The following NLRP5 variants were observed in gnomAD, a reference collection of about 807,000 sequenced individuals.
NLRP5 encodes the protein NACHT, LRR and PYD domains-containing protein 5.
Under a neutral mutation model 113.1 loss-of-function variants are expected in NLRP5, and 93 were observed. The observed-to-expected ratio is 0.82, with a 90% CI of 0.70 to 0.98. The LOEUF is 0.98. NLRP5 is among the 50% of genes least tolerant of loss of function. NLRP5 has a pLI of 0.00. For synonymous variants in NLRP5, 751 were observed against 600.7 expected (o/e 1.25, Z -3.66); for missense variants, 1,808 against 1,514.3 (o/e 1.19, Z -3.22).
At chr19:56,008,639 T>G in intron 2 of NLRP5, 149 bp from the exon 3 acceptor site, 1 of 682,158 alleles carries the variant, frequency 1.5e-6, no homozygotes, top group Non-Finnish European at 2.6e-6. Flanking sequence ...CTTTGTTGTC[T>G]CCGTTATAGG....
At chr19:56,052,128 G>A (rs1262620805) in intron 12 of NLRP5, among the ~76,000 whole-genome samples, 2 of 152,118 alleles carry the variant, frequency 1.3e-5, no homozygotes, top group African/African-American at 2.4e-5. Flanking sequence ...CCCCTACCTG[G>A]TCTTCAAGGG....
chr19:56,004,545 T>C (rs559125313), intron 2 of NLRP5, among the ~76,000 whole-genome samples: 4 of 152,186 alleles, frequency 2.6e-5, no homozygotes, highest in African/African-American at 9.6e-5. Flanking sequence ...ATAACATTGG[T>C]AGTGGTTTGG....
In NLRP5 at chr19:56,027,085, G is replaced by T. The variant is rs1982886654; in HGVS notation, c.852G>T (p.Leu284=). Residue 284 remains leucine (L), a synonymous_variant, in exon 7 of 15, where the codon CTG becomes CTT. Coordinates refer to ENST00000390649, the MANE Select transcript of NLRP5 (RefSeq NM_153447.4). ...GCTTCCGGCCTCGCACGGTGGTTCT[G>T]CACGGAAAGTCAGGAATTGGGAAAT... The T allele has an allele frequency of 1.3e-6, 2 of 1,564,794 alleles. No homozygotes were observed. Among genetic ancestry groups the T allele is most frequent in the Admixed American group, 1.9e-5 (1 of 52,202 alleles).
At chr19:56,039,567 C>A (rs10416480) in intron 10 of NLRP5, among the ~76,000 whole-genome samples, 29,503 of 152,054 alleles carry the variant, frequency 0.19, 3,263 homozygotes, top group African/African-American at 0.31. Flanking sequence ...GGGAAAACAC[C>A]TATCACTCAT....
chr19:56,044,748 T>C (rs1983659867), intron 11 of NLRP5, among the ~76,000 whole-genome samples: 1 of 152,158 alleles, frequency 6.6e-6, no homozygotes, highest in Admixed American at 6.5e-5. Context: ...TGAAGAATGA[T>C]GGTGGTATTT....
intron 6 of NLRP5, among the ~76,000 whole-genome samples, chr19:56,024,276 C>A (rs532715029): frequency 2.1e-5 from 3 of 146,184 alleles, no homozygotes; most frequent in Non-Finnish European, 3.0e-5. Context: ...CTGAAGTGGG[C>A]GGATCACTTG....
chr19:56,017,030 G>A (rs10414821), intron 4 of NLRP5, among the ~76,000 whole-genome samples: 6,372 of 152,058 alleles, frequency 0.042, 455 homozygotes, highest in African/African-American at 0.14. Context: ...GATGGTCTCA[G>A]TCTCTTGACC....
At chr19:56,002,336 A>G (rs1362040330) in intron 1 of NLRP5, among the ~76,000 whole-genome samples, 1 of 152,150 alleles carries the variant, frequency 6.6e-6, no homozygotes, top group Non-Finnish European at 1.5e-5. Context: ...GTTTATTTTT[A>G]CACCAAAACT....
chr19:56,050,468 C>T lies in NLRP5; in HGVS notation c.3008C>T (p.Ala1003Val), dbSNP rs182963698. The change falls in exon 12 of 15, where the codon GCG (alanine) becomes GTG (valine). Residue 1003 changes from alanine to valine, a missense_variant. Coordinates refer to ENST00000390649, the MANE Select transcript of NLRP5 (RefSeq NM_153447.4). ...GCTGGCTGTGGTTTTCTTGCACTTG[C>T]GCTTATGGGTAACTCATGGCTGACG... The T allele has an allele frequency of 5.3e-4, 853 of 1,613,816 alleles. 4 individuals are homozygous for T. The African/African-American group carries it at 1.0e-2, about 19-fold the overall frequency.
intron 12 of NLRP5, among the ~76,000 whole-genome samples, chr19:56,052,567 G>A (rs931932699): frequency 6.6e-6 from 1 of 152,200 alleles, no homozygotes; most frequent in East Asian, 1.9e-4. Context: ...ACTGTACCCA[G>A]CCTGCATCCC....
chr19:56,008,842 A>C lies in NLRP5; in HGVS notation c.497A>C (p.Glu166Ala), dbSNP rs745374606. The C allele has an allele frequency of 6.2e-7, 1 of 1,612,390 alleles. No homozygotes were observed. The highest frequency in any genetic ancestry group is 1.1e-5 in the South Asian group (1 of 90,584). Reference sequence around the variant, plus strand: ...ATGACTGACCAAGGACCAAGCAAGGAAAAAGTGCCAGGTTAGAGGGGTGGA... The same window carrying C: ...ATGACTGACCAAGGACCAAGCAAGGCAAAAGTGCCAGGTTAGAGGGGTGGA... Residue 166 changes from glutamate to alanine, a missense_variant, in exon 3 of 15, where the codon GAA becomes GCA. Glu to Ala is a moderately radical substitution (Grantham distance 107). Coordinates refer to ENST00000390649, the MANE Select transcript of NLRP5 (RefSeq NM_153447.4).
chr19:56,003,947 G>A lies in NLRP5; in HGVS notation c.294G>A (p.Gln98=). 6.2e-7 allele frequency: 1 copy of A among 1,613,976 alleles called. No individual in the cohort carries two copies. The highest frequency in any genetic ancestry group is 2.2e-5 in the East Asian group (1 of 44,880). Residue 98 remains glutamine (Q), a synonymous_variant, in exon 2 of 15, where the codon CAG becomes CAA. Coordinates refer to ENST00000390649, the MANE Select transcript of NLRP5 (RefSeq NM_153447.4). ...AATCGACCACATGCTCTATTCCACA[G>A]TTTGAAATCGAGAATGCCAACGTGG... is the stretch of plus-strand genomic sequence containing the variant.
At chr19:56,000,124 C>T (rs1981578249) in intron 1 of NLRP5, among the ~76,000 whole-genome samples, 1 of 151,870 alleles carries the variant, frequency 6.6e-6, no homozygotes, top group South Asian at 2.1e-4. Flanking sequence ...GACAGTTGTC[C>T]AGGGACGGCC....
At chr19:56,051,077 T>C (rs927155376) in intron 12 of NLRP5, among the ~76,000 whole-genome samples, 9 of 152,198 alleles carry the variant, frequency 5.9e-5, no homozygotes, top group Non-Finnish European at 8.8e-5. Context: ...TGTTAGTGGT[T>C]TGGATGTCTT....
At chr19:56,042,516 T>C (rs757065886) in intron 11 of NLRP5, among the ~76,000 whole-genome samples, 1 of 152,178 alleles carries the variant, frequency 6.6e-6, no homozygotes, top group East Asian at 1.9e-4. Flanking sequence ...ACCTGGCTAC[T>C]TTTTGTATTT....
chr19:56,003,521 C>A (rs114893623), intron 1 of NLRP5, among the ~76,000 whole-genome samples: 4,019 of 152,282 alleles, frequency 0.026, 78 homozygotes, highest in Non-Finnish European at 0.037. Context: ...CAATTTTATT[C>A]TAAGATGCTG....
chr19:56,016,514 T>G lies in NLRP5; in HGVS notation c.565+716T>G, dbSNP rs147101658. ...TGAAATAGACTTTGTTATTAACCAG[T>G]CACCACGTTGTGCAATAGAATACCA... On this transcript the variant is annotated intron_variant, in intron 4 of 14. Coordinates refer to ENST00000390649, the MANE Select transcript of NLRP5 (RefSeq NM_153447.4). Among the ~76,000 whole-genome samples, 440 of 152,290 alleles carry G rather than the reference T, an allele frequency of 2.9e-3. 3 individuals carry two copies. The highest frequency in any genetic ancestry group is 0.01 in the African/African-American group (420 of 41,574).
At position 56,010,742 on chromosome 19, in the gene NLRP5, C is replaced by CCAAAAAAAAAAAAAAAA. The variant is rs1555764914; in HGVS notation, c.508+1889_508+1890insCAAAAAAAAAAAAAAAA. On this transcript the variant is annotated intron_variant, in intron 3 of 14. Transcript: ENST00000390649. Reference sequence around the variant, plus strand: ...GGGAAACAAGAGCTTAACTCTGTCTCAAAAAAAAAAAAAGTCCCTTGAAAC... The same window carrying CCAAAAAAAAAAAAAAAA: ...GGGAAACAAGAGCTTAACTCTGTCTCCAAAAAAAAAAAAAAAAAAAAAAAAAAAAAGTCCCTTGAAAC... Among the ~76,000 whole-genome samples the CCAAAAAAAAAAAAAAAA allele has an allele frequency of 3.1e-3, 126 of 41,236 alleles. 12 individuals are homozygous for CCAAAAAAAAAAAAAAAA. The highest frequency in any genetic ancestry group is 0.013 in the African/African-American group (121 of 9,568). The allele number at this position is 41,236 out of a possible 152,430, so 27.1% of individuals were successfully genotyped here. A position where few individuals can be genotyped will look rare whatever the true frequency, so the allele number is the denominator to read the frequency against.
rs367633311 is a variant in NLRP5, at chr19:56,038,089, C to T, written c.2680C>T (p.Pro894Ser). Residue 894 changes from proline to serine, a missense_variant, in exon 10 of 15, where the codon CCC (proline) becomes TCC (serine). Coordinates refer to ENST00000390649, the MANE Select transcript of NLRP5 (RefSeq NM_153447.4). ...GATCTCCCAAATCCTTACGACCTCC[C>T]CCAGCCTGAAATCTCTGAGCCTGGC... is the stretch of plus-strand genomic sequence containing the variant. The T allele has an allele frequency of 2.5e-5, 41 of 1,613,932 alleles. 2 individuals are homozygous for T. Among genetic ancestry groups the T allele is most frequent in the African/African-American group, 1.7e-4 (13 of 75,050 alleles).
Sources: allele counts gnomAD v4.1 joint callset (sites outside exome capture counted in the v4.1 genomes callset), GRCh38; gene constraint gnomAD v4.1.1; transcripts MANE v1.5; gene names NCBI Gene and HGNC (gene_info 2026-07-23, HGNC 2026-07-21).